The following SLC43A1 variants were observed in gnomAD, a reference collection of about 807,000 sequenced individuals.
SLC43A1 encodes solute carrier family 43 member 1, also known as large neutral amino acids transporter small subunit 3.
SLC43A1 carries 31 observed loss-of-function variants against 59.5 expected under a neutral mutation model. The observed-to-expected ratio is 0.52, with a 90% confidence interval of 0.39 to 0.70. The LOEUF (loss-of-function observed/expected upper bound fraction) is 0.70. Ranked by LOEUF, SLC43A1 falls within the 30% of genes least tolerant of loss-of-function variation. The pLI is 0.00. For missense variants in SLC43A1, 598 were observed against 717.8 expected (o/e 0.83, Z 1.91); for synonymous variants, 259 against 290.9 (o/e 0.89, Z 1.12).
In SLC43A1 at chr11:57,491,855, G is replaced by A. The variant is rs781511253; in HGVS notation, c.879C>T (p.Val293=). ...GTSENLPERS[V]PLRKSLCSPT... is the part of the protein sequence containing the mutation. ...GGGAGCAGAGGCTCTTGCGTAAGGG[G>A]ACAGACCCTGGGGAGACAGCAGGGG... Residue 293 remains valine (V), a synonymous_variant, in exon 9 of 15, where the codon GTC becomes GTT. Transcript: ENST00000278426. 38 of 1,613,950 alleles carry A rather than the reference G, an allele frequency of 2.4e-5. No homozygotes were observed. The South Asian group carries it at 3.8e-4, about 16-fold the overall frequency.
chr11:57,492,844 A>T (rs1217880830), intron 8 of SLC43A1, among the ~76,000 whole-genome samples: 1 of 151,104 alleles, frequency 6.6e-6, no homozygotes, highest in Non-Finnish European at 1.5e-5. Flanking sequence ...GTTCGAGACC[A>T]GCCTGGCCAA....
intron 2 of SLC43A1, among the ~76,000 whole-genome samples, chr11:57,512,700 T>C (rs1944580598): frequency 6.6e-6 from 1 of 152,056 alleles, no homozygotes; most frequent in Non-Finnish European, 1.5e-5. Flanking sequence ...ATGTGTATCA[T>C]TTCATGTCAG....
intron 2 of SLC43A1, among the ~76,000 whole-genome samples, chr11:57,507,407 T>C (rs1303870306): frequency 6.6e-6 from 1 of 152,018 alleles, no homozygotes. Context: ...GAGGCGGAGG[T>C]TGCAGTGAGC....
At chr11:57,495,766 G>A (rs993546464) in intron 7 of SLC43A1, among the ~76,000 whole-genome samples, 3 of 152,124 alleles carry the variant, frequency 2.0e-5, no homozygotes, top group Admixed American at 2.0e-4. Context: ...TTAGGTTGCA[G>A]TGAGCCAGGA....
Position 57,484,822 on chromosome 11 carries a change from C to A in SLC43A1, c.*274G>T. ...CAGACCGCTAGAAGGAGATAAGAGG[C>A]ACCCTGGTCTCCTCCAACCCAAGGA... On this transcript the variant is annotated 3_prime_UTR_variant, in exon 15 of 15. Transcript: ENST00000278426. 3.0e-6 allele frequency: 1 copy of A among 337,538 alleles called. No homozygotes were observed. Among genetic ancestry groups the A allele is most frequent in the South Asian group, 4.6e-5 (1 of 21,962 alleles). 20.9% of individuals were successfully genotyped at this position (337,538 alleles called of 1,614,324 possible). A position where few individuals can be genotyped will look rare whatever the true frequency, so the allele number is the denominator to read the frequency against.
At chr11:57,512,823 C>T (rs577123494) in intron 2 of SLC43A1, among the ~76,000 whole-genome samples, 12 of 152,274 alleles carry the variant, frequency 7.9e-5, no homozygotes, top group African/African-American at 2.9e-4. Flanking sequence ...CGCCATCTCT[C>T]GGTGCCATCT....
At chr11:57,511,821 T>C (rs555993403) in intron 2 of SLC43A1, among the ~76,000 whole-genome samples, 2 of 152,320 alleles carry the variant, frequency 1.3e-5, no homozygotes, top group African/African-American at 2.4e-5. Flanking sequence ...TCCATTTAAA[T>C]GAAATGTTCA....
chr11:57,494,046 TCC>T lies in SLC43A1; in HGVS notation c.816_817del (p.Asp273CysfsTer17). 2 of 1,610,116 alleles carry T rather than the reference TCC, an allele frequency of 1.2e-6. No homozygotes were observed. The highest frequency in any genetic ancestry group is 8.5e-7 in the Non-Finnish European group (1 of 1,178,260). ...AACATCCTGGGGTGACATGAAGGCA[TCC>T]GAACCGTCCTCCAGGCTGGGGGCCT... On this transcript the variant is annotated frameshift_variant, in exon 8 of 15. Coordinates refer to ENST00000278426, the MANE Select transcript of SLC43A1 (RefSeq NM_003627.6). LOFTEE classifies it high-confidence loss of function.
At chr11:57,503,234 C>A (rs1425867198) in intron 2 of SLC43A1, among the ~76,000 whole-genome samples, 2 of 150,640 alleles carry the variant, frequency 1.3e-5, no homozygotes, top group East Asian at 3.9e-4. Flanking sequence ...ACCACACAGC[C>A]TTTGGGGATC....
chr11:57,499,070 C>T (rs1219448238), intron 5 of SLC43A1, among the ~76,000 whole-genome samples: 8 of 152,218 alleles, frequency 5.3e-5, no homozygotes, highest in African/African-American at 1.9e-4. Flanking sequence ...CACCTGTAAT[C>T]CCAGCACTTT....
chr11:57,491,628 T>C lies in SLC43A1; in HGVS notation c.1019-2A>G, dbSNP rs931253577. On this transcript the variant is annotated splice_acceptor_variant, in intron 9 of 14. Coordinates refer to ENST00000278426, the MANE Select transcript of SLC43A1 (RefSeq NM_003627.6). LOFTEE classifies it high-confidence loss of function. ...CCTTTTGTTGCTGTTCATTTGTCTCTGTGGGTAGGGAAACGTATGGTGAGG... is the reference window on the plus strand; with the variant it reads ...CCTTTTGTTGCTGTTCATTTGTCTCCGTGGGTAGGGAAACGTATGGTGAGG... The C allele has an allele frequency of 6.2e-7, 1 of 1,614,072 alleles. No individual in the cohort carries two copies. Among genetic ancestry groups the C allele is most frequent in the African/African-American group, 1.3e-5 (1 of 74,926 alleles).
At chr11:57,492,452 A>G (rs1252989517) in intron 8 of SLC43A1, among the ~76,000 whole-genome samples, 2 of 135,644 alleles carry the variant, frequency 1.5e-5, no homozygotes, top group East Asian at 2.0e-4. Flanking sequence ...TATAAAATAT[A>G]ATATAAATAT....
In SLC43A1 at chr11:57,513,924, CCCCCCAGCCCACCCAGCCCA is replaced by C; in HGVS notation, c.154+14_154+33del. 1 of 1,130,306 alleles carries C rather than the reference CCCCCCAGCCCACCCAGCCCA, an allele frequency of 8.8e-7. No individual in the cohort carries two copies. The highest frequency in any genetic ancestry group is 1.3e-6 in the Non-Finnish European group (1 of 764,010). The allele number at this position is 1,130,306 out of a possible 1,614,324, so 70.0% of individuals were successfully genotyped here. A position where few individuals can be genotyped will look rare whatever the true frequency, so the allele number is the denominator to read the frequency against. On this transcript the variant is annotated intron_variant, in intron 2 of 14. Coordinates refer to ENST00000278426, the MANE Select transcript of SLC43A1 (RefSeq NM_003627.6). Reference sequence around the variant, plus strand: ...TTCCACCTGCCCCTTTGCCATCCCTCCCCCCAGCCCACCCAGCCCATTTTCAGGCATACCTGGGCACGTGC... The same window carrying C: ...TTCCACCTGCCCCTTTGCCATCCCTCTTTTCAGGCATACCTGGGCACGTGC...
chr11:57,514,196 ACCCGAGACCTCTCGGGCCAGCC>A lies in SLC43A1; in HGVS notation c.-13-94_-13-73del. 3 of 1,459,244 alleles carry A rather than the reference ACCCGAGACCTCTCGGGCCAGCC, an allele frequency of 2.1e-6. No individual in the cohort carries two copies. The highest frequency in any genetic ancestry group is 1.4e-5 in the South Asian group (1 of 71,302). The allele number at this position is 1,459,244 out of a possible 1,614,324, so 90.4% of individuals were successfully genotyped here. On this transcript the variant is annotated intron_variant, in intron 1 of 14. Transcript: ENST00000278426. The surrounding 1 kb of genome is among the most constrained non-coding windows in gnomAD (Gnocchi z 5.5). Reference sequence around the variant, plus strand: ...GGGAAGGGTCCTGCATCATGGTGGCACCCGAGACCTCTCGGGCCAGCCCGCGAGGAGCCCCTCATGGAGGCCC... The same window carrying A: ...GGGAAGGGTCCTGCATCATGGTGGCACGCGAGGAGCCCCTCATGGAGGCCC...
In SLC43A1 at chr11:57,515,274, G is replaced by A. The variant is rs1015215289; in HGVS notation, c.-14+170C>T. On this transcript the variant is annotated intron_variant, in intron 1 of 14. Transcript: ENST00000278426. This position sits in a 1 kb window ranked among gnomAD's most constrained non-coding sequence, Gnocchi z 5.3. ...GTCGGAGGGGTCAGAGAAAAGAAAA[G>A]GGAAGGACGCGCTTGGCGAGATGGG... is the stretch of plus-strand genomic sequence containing the variant. 3.2e-5 allele frequency: 5 copies of A among 155,314 alleles called. No individual in the cohort carries two copies. Among genetic ancestry groups the A allele is most frequent in the Non-Finnish European group, 5.6e-5 (4 of 70,920 alleles). 9.6% of individuals were successfully genotyped at this position (155,314 alleles called of 1,614,324 possible). A position where few individuals can be genotyped will look rare whatever the true frequency, so the allele number is the denominator to read the frequency against.
chr11:57,514,504 C>T lies in SLC43A1; in HGVS notation c.-13-380G>A, dbSNP rs1267657215. 4.7e-5 allele frequency: 9 copies of T among 189,820 alleles called. No individual in the cohort carries two copies. 11.8% of individuals were successfully genotyped at this position (189,820 alleles called of 1,614,324 possible). ...AAGGGGCAGAGCGCGCTCTGAAGCA[C>T]CGCGGGCCCATGTCCGGACTCTCGC... On this transcript the variant is annotated intron_variant, in intron 1 of 14. Coordinates refer to ENST00000278426, the MANE Select transcript of SLC43A1 (RefSeq NM_003627.6). The surrounding 1 kb of genome is among the most constrained non-coding windows in gnomAD (Gnocchi z 5.5).
chr11:57,495,478 A>ATAAC (rs1944050688), intron 7 of SLC43A1, among the ~76,000 whole-genome samples: 1 of 152,004 alleles, frequency 6.6e-6, no homozygotes, highest in African/African-American at 2.4e-5. Flanking sequence ...AAATAAATAA[A>ATAAC]TAAATATTTA....
At chr11:57,490,204 G>C (rs1213172305) in intron 11 of SLC43A1, among the ~76,000 whole-genome samples, 1 of 152,108 alleles carries the variant, frequency 6.6e-6, no homozygotes, top group African/African-American at 2.4e-5. Context: ...AGCTACTCGG[G>C]AGGCTGAGGC....
Position 57,496,280 on chromosome 11 carries a change from C to T in SLC43A1, c.559-116G>A, listed in dbSNP as rs1035901424. On this transcript the variant is annotated intron_variant, in intron 6 of 14. Transcript: ENST00000278426. ...TTCTCTTCTCCCCTTGTCCTTGTGC[C>T]CAATTTGCAGATGAGGAAACCAAGA... 2.8e-5 allele frequency: 34 copies of T among 1,208,050 alleles called. No individual in the cohort carries two copies. In the East Asian group the frequency reaches 7.8e-4, roughly 28 times the overall value. 74.8% of individuals were successfully genotyped at this position (1,208,050 alleles called of 1,614,324 possible). A position where few individuals can be genotyped will look rare whatever the true frequency, so the allele number is the denominator to read the frequency against.
Sources: gnomAD v4.1 joint callset for allele counts (sites outside exome capture counted in the v4.1 genomes callset) on GRCh38, gnomAD v4.1.1 for gene constraint, Gnocchi (gnomAD v3.1) non-coding constraint, MANE v1.5 for transcripts, NCBI Gene and HGNC (gene_info 2026-07-23, HGNC 2026-07-21) for gene names.